ALG12: variants seen among roughly 807,000 people sequenced by gnomAD.
The protein encoded by ALG12 is dol-P-Man:Man(7)GlcNAc(2)-PP-Dol alpha-1,6-mannosyltransferase.
Under a neutral mutation model 46.0 loss-of-function variants are expected in ALG12, and 36 were observed. That is an observed-to-expected ratio of 0.78 (90% CI 0.60 to 1.03). The LOEUF (loss-of-function observed/expected upper bound fraction) is 1.03, where lower values mean the gene tolerates loss of function less well. Among genes scored for constraint, ALG12 ranks in the 50% least tolerant of loss-of-function variants. The probability of loss-of-function intolerance (pLI) is 0.00; values close to 1 mark genes in which losing one functional copy is unlikely to be tolerated. For synonymous variants in ALG12, 326 were observed against 291.6 expected (o/e 1.12, Z -1.20); for missense variants, 599 against 633.5 (o/e 0.95, Z 0.58).
chr22:49,882,613 C>T, the ALG12 span, among the ~76,000 whole-genome samples: 3 of 152,228 alleles, frequency 2.0e-5, no homozygotes, highest in Admixed American at 2.0e-4. Flanking sequence ...CCCCTGTTCT[C>T]CGTCTTGCCC....
chr22:49,886,864 G>A, the ALG12 span: 1 of 1,614,108 alleles, frequency 6.2e-7, no homozygotes, highest in Non-Finnish European at 8.5e-7. This position sits in a 1 kb window ranked among gnomAD's most constrained non-coding sequence, Gnocchi z 7.7. Flanking sequence ...GTGGTCACTT[G>A]TGGCCAAGGT....
At chr22:49,915,944 C>T (rs2060606889) in intron 1 of ALG12, among the ~76,000 whole-genome samples, 1 of 152,156 alleles carries the variant, frequency 6.6e-6, no homozygotes, top group Non-Finnish European at 1.5e-5. Flanking sequence ...GGGTTCTCAT[C>T]ACACCAGCTC....
At chr22:49,911,962 C>T (rs774660590) in intron 3 of ALG12, among the ~76,000 whole-genome samples, 6 of 152,234 alleles carry the variant, frequency 3.9e-5, no homozygotes, top group Admixed American at 6.5e-5. Flanking sequence ...AGGGTAGCCT[C>T]GGCCTCACGA....
At chr22:49,883,233 T>C in the ALG12 span, 1 of 153,638 alleles carries the variant, frequency 6.5e-6, no homozygotes, top group African/African-American at 2.4e-5. Flanking sequence ...TTTTCCATTA[T>C]ACAGTTTTTT....
the ALG12 span, among the ~76,000 whole-genome samples, chr22:49,891,729 T>C: frequency 3.9e-5 from 6 of 152,362 alleles, no homozygotes; most frequent in Non-Finnish European, 5.9e-5. Context: ...ACTAGATCTA[T>C]TCAGGCATGT....
intron 4 of ALG12, 46 bp from the exon 5 acceptor site, chr22:49,910,134 C>G (rs775583932): frequency 1.4e-5 from 22 of 1,551,172 alleles, no homozygotes; most frequent in Non-Finnish European, 1.9e-5. Flanking sequence ...CAGGGCCCAC[C>G]CGGCCCAGAA....
chr22:49,875,935 A>AT, the ALG12 span, among the ~76,000 whole-genome samples: 12 of 87,658 alleles, frequency 1.4e-4, no homozygotes, highest in South Asian at 7.3e-4. Context: ...GGTTTCATTG[A>AT]TTTTTTTTCT....
rs923345467 is a variant in ALG12 at position 49,905,572 on chromosome 22, C to T, written c.993-1066G>A. Among the ~76,000 whole-genome samples, 2 of 152,198 alleles carry T rather than the reference C, an allele frequency of 1.3e-5. No homozygotes were observed. Among genetic ancestry groups the T allele is most frequent in the African/African-American group, 2.4e-5 (1 of 41,452 alleles). On this transcript the variant is annotated intron_variant, in intron 7 of 9. Coordinates refer to ENST00000330817, the MANE Select transcript of ALG12 (RefSeq NM_024105.4). This position sits in a 1 kb window ranked among gnomAD's most constrained non-coding sequence, Gnocchi z 4.9. The stretch of plus-strand genomic sequence containing the variant: ...TTGTTTGAAAATGGGTGACACCTCC[C>T]CCGTCCCTCTTCGTCCTGCTTTGGC...
At chr22:49,914,317 C>T (rs111875437) in intron 1 of ALG12, among the ~76,000 whole-genome samples, 9 of 152,306 alleles carry the variant, frequency 5.9e-5, no homozygotes, top group African/African-American at 1.9e-4. Context: ...AGAAACTGAA[C>T]GTAGTACAGC....
In ALG12 at chr22:49,909,268, G is replaced by C; in HGVS notation, c.744C>G (p.Val248=). The C allele has an allele frequency of 3.7e-6, 6 of 1,614,220 alleles. No individual in the cohort carries two copies. The highest frequency in any genetic ancestry group is 5.1e-6 in the Non-Finnish European group (6 of 1,180,040). Residue 248 remains valine, a synonymous_variant, in exon 6 of 10, where the codon GTC becomes GTG. Coordinates refer to ENST00000330817, the MANE Select transcript of ALG12 (RefSeq NM_024105.4). Reference sequence around the variant, plus strand: ...CCCCCCAGTTGGAGCTTTTGTTCAGGACAGTGTTGTACCAAAGCACCTTTC... The same window carrying C: ...CCCCCCAGTTGGAGCTTTTGTTCAGCACAGTGTTGTACCAAAGCACCTTTC... ...PEGKVLWYNT[V]LNKSSNWGTS...
chr22:49,908,741 C>G (rs139702490), intron 6 of ALG12, among the ~76,000 whole-genome samples: 5 of 136,290 alleles, frequency 3.7e-5, no homozygotes, highest in Non-Finnish European at 7.8e-5. Context: ...CACCTGAGTT[C>G]AAGAGTTCAA....
chr22:49,907,634 A>C, intron 7 of ALG12, 87 bp downstream of exon 7: 1 of 1,428,084 alleles, frequency 7.0e-7, no homozygotes, highest in Non-Finnish European at 9.6e-7. Flanking sequence ...CAAAAATTAA[A>C]CACACACATA....
At chr22:49,876,698 C>T in the ALG12 span, among the ~76,000 whole-genome samples, 7 of 152,070 alleles carry the variant, frequency 4.6e-5, no homozygotes, top group East Asian at 1.9e-4. Flanking sequence ...GCGTTTACCC[C>T]GAGATAAGTT....
the ALG12 span, among the ~76,000 whole-genome samples, chr22:49,869,867 G>C: frequency 6.6e-6 from 1 of 152,142 alleles, no homozygotes; most frequent in East Asian, 1.9e-4. Flanking sequence ...TCACGACATG[G>C]TATATTGCGT....
rs1168512120 is a variant in ALG12 at position 49,903,666 on chromosome 22, G to A, written c.*172C>T. 2.5e-6 allele frequency: 2 copies of A among 792,654 alleles called. No homozygotes were observed. Among genetic ancestry groups the A allele is most frequent in the Admixed American group, 4.0e-5 (2 of 50,118 alleles). The allele number at this position is 792,654 out of a possible 1,614,324, so 49.1% of individuals were successfully genotyped here. ...TCGTTCTTTGGTGCTGAGAGCCCCA[G>A]CTGAGGCTGTGGAGGAGGCCCTGGA... is the stretch of plus-strand genomic sequence containing the variant. On this transcript the variant is annotated 3_prime_UTR_variant, in exon 10 of 10. Coordinates refer to ENST00000330817, the MANE Select transcript of ALG12 (RefSeq NM_024105.4).
the ALG12 span, among the ~76,000 whole-genome samples, chr22:49,877,769 C>A: frequency 6.6e-6 from 1 of 152,114 alleles, no homozygotes; most frequent in Non-Finnish European, 1.5e-5. Flanking sequence ...CTGCAGGTGG[C>A]ATGGACACAC....
chr22:49,910,858 G>A (rs937184042), intron 3 of ALG12, among the ~76,000 whole-genome samples: 2 of 152,244 alleles, frequency 1.3e-5, no homozygotes, highest in African/African-American at 4.8e-5. Flanking sequence ...TCTGAAGCAT[G>A]AGGGAGGACA....
chr22:49,873,565 G>T, the ALG12 span, among the ~76,000 whole-genome samples: 1 of 152,216 alleles, frequency 6.6e-6, no homozygotes, highest in Non-Finnish European at 1.5e-5. Flanking sequence ...TGACACACAG[G>T]TGGAGAGCCC....
chr22:49,917,910 C>T (rs1021598394), intron 1 of ALG12, among the ~76,000 whole-genome samples: 1 of 92,846 alleles, frequency 1.1e-5, no homozygotes, highest in Middle Eastern at 5.6e-3. Flanking sequence ...AGATCCCCAG[C>T]CCCCAGGTGA....
Sources: gnomAD v4.1 joint callset for allele counts (sites outside exome capture counted in the v4.1 genomes callset) on GRCh38, gnomAD v4.1.1 for gene constraint, Gnocchi (gnomAD v3.1) non-coding constraint, MANE v1.5 for transcripts, NCBI Gene and HGNC (gene_info 2026-07-23, HGNC 2026-07-21) for gene names.